The following RNF220 variants were observed in gnomAD, a reference collection of about 807,000 sequenced individuals.
RNF220 encodes the protein E3 ubiquitin-protein ligase RNF220.
RNF220 carries 7 observed loss-of-function variants against 67.1 expected under a neutral mutation model. That is an observed-to-expected ratio of 0.10 (90% confidence interval 0.06 to 0.20). The LOEUF is 0.20. Among genes scored for constraint, RNF220 ranks in the 10% least tolerant of loss-of-function variants. The probability of loss-of-function intolerance (pLI) is 1.00; values close to 1 mark genes in which losing one functional copy is unlikely to be tolerated. For synonymous variants in RNF220, 270 were observed against 283.2 expected (o/e 0.95, Z 0.47); for missense variants, 565 against 740.3 (o/e 0.76, Z 2.75).
intron 2 of RNF220, among the ~76,000 whole-genome samples, chr1:44,508,549 C>T (rs1393516966): frequency 2.6e-5 from 4 of 152,170 alleles, no homozygotes; most frequent in East Asian, 1.9e-4. Context: ...CTGTAGGTGG[C>T]GTTTGCTCTA....
chr1:44,453,268 A>G (rs1018215367), intron 2 of RNF220, among the ~76,000 whole-genome samples: 5 of 152,060 alleles, frequency 3.3e-5, no homozygotes, highest in African/African-American at 1.2e-4. Flanking sequence ...GGTTTTATGT[A>G]TTTCTTTGTG....
intron 2 of RNF220, among the ~76,000 whole-genome samples, chr1:44,570,595 C>G (rs12569316): frequency 0.056 from 8,480 of 152,164 alleles, 449 homozygotes; most frequent in East Asian, 0.16. Context: ...TGAGTCTTGG[C>G]ACCTCTTTTT....
At chr1:44,638,136 C>T (rs1644381305) in intron 8 of RNF220, among the ~76,000 whole-genome samples, 1 of 152,226 alleles carries the variant, frequency 6.6e-6, no homozygotes. Context: ...GTCAGCCTAC[C>T]CTCCCTGGCC....
chr1:44,426,517 A>G (rs1649790997), intron 2 of RNF220, among the ~76,000 whole-genome samples: 1 of 152,206 alleles, frequency 6.6e-6, no homozygotes, highest in Non-Finnish European at 1.5e-5. Context: ...ACCTAAGGTC[A>G]GGAGTTCGAG....
At chr1:44,546,348 G>A (rs576024787) in intron 2 of RNF220, among the ~76,000 whole-genome samples, 57 of 152,228 alleles carry the variant, frequency 3.7e-4, no homozygotes, top group Admixed American at 3.3e-3. Context: ...CTTCTACCTG[G>A]AGAATCACCT....
intron 2 of RNF220, among the ~76,000 whole-genome samples, chr1:44,479,033 C>A (rs969342941): frequency 6.6e-6 from 1 of 151,936 alleles, no homozygotes; most frequent in Non-Finnish European, 1.5e-5. Flanking sequence ...CCCCAGAAAT[C>A]TTTTTACATC....
At chr1:44,587,133 C>T (rs1665756156) in intron 2 of RNF220, among the ~76,000 whole-genome samples, 1 of 148,094 alleles carries the variant, frequency 6.8e-6, no homozygotes, top group African/African-American at 2.5e-5. Context: ...GTATCTTCTT[C>T]TCTTCTTCTT....
intron 8 of RNF220, among the ~76,000 whole-genome samples, chr1:44,639,889 G>A (rs755977544): frequency 6.6e-6 from 1 of 152,108 alleles, no homozygotes; most frequent in African/African-American, 2.4e-5. Flanking sequence ...TCCTGGGTTC[G>A]AGAGATTCTC....
At chr1:44,601,480 A>G (rs1402283689) in intron 2 of RNF220, among the ~76,000 whole-genome samples, 2 of 152,200 alleles carry the variant, frequency 1.3e-5, no homozygotes, top group Non-Finnish European at 2.9e-5. Flanking sequence ...AAGATGCAGT[A>G]GAGAGGGAGA....
At chr1:44,556,816 C>T (rs1348393910) in intron 2 of RNF220, among the ~76,000 whole-genome samples, 1 of 152,176 alleles carries the variant, frequency 6.6e-6, no homozygotes, top group Admixed American at 6.5e-5. Flanking sequence ...GCCTCGGCCT[C>T]CCAAAGTTCT....
At chr1:44,473,365 G>A (rs1021707831) in intron 2 of RNF220, among the ~76,000 whole-genome samples, 1 of 151,828 alleles carries the variant, frequency 6.6e-6, no homozygotes, top group Non-Finnish European at 1.5e-5. Context: ...TTTCAGTGGA[G>A]TTTAGTAGGG....
chr1:44,433,526 A>C (rs148073199), intron 2 of RNF220, among the ~76,000 whole-genome samples: 35 of 152,318 alleles, frequency 2.3e-4, no homozygotes, highest in African/African-American at 7.9e-4. Flanking sequence ...CCAATTCTGC[A>C]GTTCTTTGTG....
chr1:44,428,200 A>T (rs1253746353), intron 2 of RNF220, among the ~76,000 whole-genome samples: 1 of 152,190 alleles, frequency 6.6e-6, no homozygotes, highest in African/African-American at 2.4e-5. Flanking sequence ...CCGAGGAAGG[A>T]CAGTAAGCCA....
intron 2 of RNF220, among the ~76,000 whole-genome samples, chr1:44,586,540 G>A (rs1486299945): frequency 1.3e-5 from 2 of 152,098 alleles, no homozygotes; most frequent in Non-Finnish European, 2.9e-5. Context: ...CCAGGACAGC[G>A]ATAAGAGCTC....
rs762210878 is a variant in RNF220, at chr1:44,636,067, A to G, written c.1031A>G (p.Asp344Gly). 2.5e-6 allele frequency: 4 copies of G among 1,614,126 alleles called. No individual in the cohort carries two copies. In the Admixed American group the frequency reaches 6.7e-5, roughly 27 times the overall value. ...TGCATGGCTGAGGATGATGCTGTGGACATCGAGCATGAGAACAACAACCGC... is the reference window on the plus strand; with the variant it reads ...TGCATGGCTGAGGATGATGCTGTGGGCATCGAGCATGAGAACAACAACCGC... ...GSCMAEDDAV[D>G]IEHENNNRFE... Residue 344 changes from aspartate (D) to glycine (G), a missense_variant, in exon 8 of 15, where the codon GAC (aspartate) becomes GGC (glycine). Asp to Gly is a moderately conservative substitution (Grantham distance 94, BLOSUM62 -1). Coordinates refer to ENST00000361799, the MANE Select transcript of RNF220 (RefSeq NM_018150.4).
chr1:44,559,596 G>A (rs1236268977), intron 2 of RNF220, among the ~76,000 whole-genome samples: 2 of 152,216 alleles, frequency 1.3e-5, no homozygotes, highest in African/African-American at 2.4e-5. Context: ...GGGAGACTTC[G>A]GTCTAGCCCC....
At chr1:44,488,878 C>T (rs944213565) in intron 2 of RNF220, among the ~76,000 whole-genome samples, 5 of 151,070 alleles carry the variant, frequency 3.3e-5, no homozygotes, top group East Asian at 4.0e-4. Context: ...CACAGGCGCA[C>T]GCCACCACAC....
chr1:44,417,719 C>A lies in RNF220; in HGVS notation c.625+4997C>A, dbSNP rs1648708266. The stretch of plus-strand genomic sequence containing the variant: ...GCCGCCCGCCAGCCCCTCGCCGCTG[C>A]CGGCAGAAGGGTGGCTGGTAATTGA... On this transcript the variant is annotated intron_variant, in intron 2 of 14. Coordinates refer to ENST00000361799, the MANE Select transcript of RNF220 (RefSeq NM_018150.4). This position sits in a 1 kb window ranked among gnomAD's most constrained non-coding sequence, Gnocchi z 4.0. 6.6e-6 allele frequency among the ~76,000 whole-genome samples: 1 copy of A among 152,222 alleles called. No homozygotes were observed. The highest frequency in any genetic ancestry group is 2.4e-5 in the African/African-American group (1 of 41,458).
At position 44,412,021 on chromosome 1, in the gene RNF220, T is replaced by C; in HGVS notation, c.-77T>C. ...GATTCCCCAGTAATATTCCCTGCCCTGACCCAAAGTGCTGGTTGGCCTCCC... is the reference window on the plus strand; with the variant it reads ...GATTCCCCAGTAATATTCCCTGCCCCGACCCAAAGTGCTGGTTGGCCTCCC... On this transcript the variant is annotated 5_prime_UTR_variant, in exon 2 of 15. Transcript: ENST00000361799. The surrounding 1 kb of genome is among the most constrained non-coding windows in gnomAD (Gnocchi z 5.3). 6.6e-7 allele frequency: 1 copy of C among 1,515,602 alleles called. No individual in the cohort carries two copies. Among genetic ancestry groups the C allele is most frequent in the Non-Finnish European group, 8.9e-7 (1 of 1,121,198 alleles). The allele number at this position is 1,515,602 out of a possible 1,614,324, so 93.9% of individuals were successfully genotyped here. A position where few individuals can be genotyped will look rare whatever the true frequency, so the allele number is the denominator to read the frequency against.
Sources: allele counts gnomAD v4.1 joint callset (sites outside exome capture counted in the v4.1 genomes callset), GRCh38; gene constraint gnomAD v4.1.1; non-coding constraint Gnocchi (gnomAD v3.1); transcripts MANE v1.5; gene names NCBI Gene and HGNC (gene_info 2026-07-23, HGNC 2026-07-21).